The following KATNAL1 variants were observed in gnomAD, a reference collection of about 807,000 sequenced individuals.
The protein encoded by KATNAL1 is katanin catalytic subunit A1 like 1.
A neutral mutation model predicts 55.2 loss-of-function variants in KATNAL1; 32 were observed. The observed-to-expected ratio is 0.58, with a 90% CI of 0.44 to 0.78. The LOEUF is 0.78. KATNAL1 is among the 30% of genes least tolerant of loss of function. The pLI is 0.00. For missense variants in KATNAL1, 466 were observed against 600.9 expected (o/e 0.78, Z 2.35); for synonymous variants, 193 against 193.6 (o/e 1.00, Z 0.02).
At chr13:30,223,981 A>C (rs775932673) in intron 9 of KATNAL1, among the ~76,000 whole-genome samples, 1 of 152,234 alleles carries the variant, frequency 6.6e-6, no homozygotes, top group Non-Finnish European at 1.5e-5. Flanking sequence ...AGAAGTTCAA[A>C]AATTGACATC....
In KATNAL1 at chr13:30,203,358, T is replaced by C. The variant is rs747431815; in HGVS notation, c.*5182A>G. On this transcript the variant is annotated 3_prime_UTR_variant, in exon 11 of 11. Transcript: ENST00000380615. ...AGATGATGAACTGAATTTAATTCAA[T>C]TCATTCCTGCCTAAAACTAAGCCTG... 4 of 152,238 alleles carry C rather than the reference T, an allele frequency of 2.6e-5. No homozygotes were observed. The highest frequency in any genetic ancestry group is 4.4e-5 in the Non-Finnish European group (3 of 68,040). The allele number at this position is 152,238 out of a possible 1,614,324, so 9.4% of individuals were successfully genotyped here.
intron 6 of KATNAL1, among the ~76,000 whole-genome samples, chr13:30,235,249 T>C (rs1230790273): frequency 6.6e-6 from 1 of 152,240 alleles, no homozygotes; most frequent in Non-Finnish European, 1.5e-5. Flanking sequence ...GGAAGCATGG[T>C]GCCTGCACCC....
intron 9 of KATNAL1, among the ~76,000 whole-genome samples, chr13:30,220,827 G>A (rs968677071): frequency 1.3e-5 from 2 of 151,946 alleles, no homozygotes; most frequent in African/African-American, 4.8e-5. Flanking sequence ...AGCCGCCTGA[G>A]TAGCTGGAAT....
At chr13:30,216,141 C>T (rs952294976) in intron 9 of KATNAL1, among the ~76,000 whole-genome samples, 1 of 152,022 alleles carries the variant, frequency 6.6e-6, no homozygotes, top group Non-Finnish European at 1.5e-5. Context: ...TACAAATGAA[C>T]ACAATCAGTA....
chr13:30,227,659 G>C, intron 8 of KATNAL1, 113 bp from the exon 9 acceptor site: 2 of 1,080,818 alleles, frequency 1.9e-6, no homozygotes, highest in Non-Finnish European at 2.6e-6. Context: ...AGAAAGTGCA[G>C]TCCTGACCTC....
In KATNAL1 at chr13:30,243,587, C is replaced by G. The variant is rs567771664; in HGVS notation, c.493-2501G>C. On this transcript the variant is annotated intron_variant, in intron 4 of 10. Transcript: ENST00000380615. ...AATTCTAATGGGGCAATACAACCAA[C>G]AGGCCTACTAGGTATTAAGCCAAAA... 1.0e-4 allele frequency among the ~76,000 whole-genome samples: 12 copies of G among 117,416 alleles called. No individual in the cohort carries two copies. The Admixed American group carries it at 1.2e-3, about 12-fold the overall frequency. 77.0% of individuals were successfully genotyped at this position (117,416 alleles called of 152,430 possible). A position where few individuals can be genotyped will look rare whatever the true frequency, so the allele number is the denominator to read the frequency against.
In KATNAL1 at chr13:30,255,576, T is replaced by C; in HGVS notation, c.363A>G (p.Arg121=). ...PQIRRPNREV[R]PLRKEMAGVG... is the part of the protein sequence containing the mutation. Reference sequence around the variant, plus strand: ...CTCCTGCCATTTCTTTCCTCAGAGGTCTTACTTCTCGATTGGGACGCCTGA... The same window carrying C: ...CTCCTGCCATTTCTTTCCTCAGAGGCCTTACTTCTCGATTGGGACGCCTGA... Residue 121 remains arginine (R), a synonymous_variant, in exon 4 of 11, where the codon AGA becomes AGG. Transcript: ENST00000380615. The C allele has an allele frequency of 1.9e-6, 3 of 1,559,548 alleles. No homozygotes were observed. The highest frequency in any genetic ancestry group is 1.8e-5 in the Admixed American group (1 of 55,616).
In KATNAL1 at chr13:30,207,864, C is replaced by T. The variant is rs1432080955; in HGVS notation, c.*676G>A. 1.3e-5 allele frequency: 2 copies of T among 152,084 alleles called. No individual in the cohort carries two copies. Among genetic ancestry groups the T allele is most frequent in the Non-Finnish European group, 2.9e-5 (2 of 68,006 alleles). The allele number at this position is 152,084 out of a possible 1,614,324, so 9.4% of individuals were successfully genotyped here. A position where few individuals can be genotyped will look rare whatever the true frequency, so the allele number is the denominator to read the frequency against. On this transcript the variant is annotated 3_prime_UTR_variant, in exon 11 of 11. Coordinates refer to ENST00000380615, the MANE Select transcript of KATNAL1 (RefSeq NM_032116.5). ...ACCTTTCCATATTAAATGTAAGAAG[C>T]ACCAGCAAAAAATACTAAAGACAGA... is the stretch of plus-strand genomic sequence containing the variant.
At position 30,206,412 on chromosome 13, in the gene KATNAL1, C is replaced by T. The variant is rs1288648615; in HGVS notation, c.*2128G>A. ...TCCACTGACAGGGCAAAATGAGAAA[C>T]AAGGGAAATAAAAAGCACACCTGAC... is the stretch of plus-strand genomic sequence containing the variant. On this transcript the variant is annotated 3_prime_UTR_variant, in exon 11 of 11. Transcript: ENST00000380615. 1 of 151,900 alleles carries T rather than the reference C, an allele frequency of 6.6e-6. No individual in the cohort carries two copies. Among genetic ancestry groups the T allele is most frequent in the East Asian group, 1.9e-4 (1 of 5,182 alleles). The allele number at this position is 151,900 out of a possible 1,614,324, so 9.4% of individuals were successfully genotyped here. A position where few individuals can be genotyped will look rare whatever the true frequency, so the allele number is the denominator to read the frequency against.
chr13:30,289,761 A>ATGT (rs1882017054), intron 1 of KATNAL1, among the ~76,000 whole-genome samples: 1 of 152,210 alleles, frequency 6.6e-6, no homozygotes, highest in Non-Finnish European at 1.5e-5. Flanking sequence ...ATAAAGTAAA[A>ATGT]TGTCACAGCA....
At chr13:30,230,056 T>C (rs181014031) in intron 8 of KATNAL1, among the ~76,000 whole-genome samples, 99 of 151,814 alleles carry the variant, frequency 6.5e-4, no homozygotes, top group African/African-American at 2.3e-3. Context: ...ACCCTACGTC[T>C]TACAGCCTCT....
At position 30,202,779 on chromosome 13, in the gene KATNAL1, G is replaced by T. The variant is rs1271021795; in HGVS notation, c.*5761C>A. 1.3e-5 allele frequency: 2 copies of T among 152,062 alleles called. No individual in the cohort carries two copies. The highest frequency in any genetic ancestry group is 2.4e-5 in the African/African-American group (1 of 41,382). 9.4% of individuals were successfully genotyped at this position (152,062 alleles called of 1,614,324 possible). A position where few individuals can be genotyped will look rare whatever the true frequency, so the allele number is the denominator to read the frequency against. The stretch of plus-strand genomic sequence containing the variant: ...GGAAACGTCTTTTTCTTTAAATTAG[G>T]TTCAAATACTGGGAGACAAACACTG... On this transcript the variant is annotated 3_prime_UTR_variant, in exon 11 of 11. Transcript: ENST00000380615.
intron 1 of KATNAL1, 106 bp from the exon 2 acceptor site, chr13:30,283,897 A>G (rs1881596847): frequency 1.3e-6 from 1 of 746,848 alleles, no homozygotes; most frequent in African/African-American, 1.8e-5. Context: ...TTTTTTTGAA[A>G]CAGAGACTCA....
chr13:30,228,653 A>T (rs1352135955), intron 8 of KATNAL1, among the ~76,000 whole-genome samples: 1 of 152,238 alleles, frequency 6.6e-6, no homozygotes, highest in Non-Finnish European at 1.5e-5. Context: ...TCACTGAGGG[A>T]AGGGTCTCAT....
intron 3 of KATNAL1, among the ~76,000 whole-genome samples, chr13:30,264,450 T>C (rs1482238972): frequency 2.7e-5 from 4 of 145,536 alleles, no homozygotes; most frequent in African/African-American, 7.6e-5. Flanking sequence ...ACCTACAAAA[T>C]GGGAGAAAAT....
At chr13:30,234,408 C>T (rs1157432625) in intron 6 of KATNAL1, among the ~76,000 whole-genome samples, 1 of 152,172 alleles carries the variant, frequency 6.6e-6, no homozygotes, top group Non-Finnish European at 1.5e-5. Context: ...AATGGTCACT[C>T]TTCAGTTGCA....
intron 1 of KATNAL1, among the ~76,000 whole-genome samples, chr13:30,288,355 T>C (rs1252741966): frequency 6.6e-6 from 1 of 152,200 alleles, no homozygotes; most frequent in Non-Finnish European, 1.5e-5. Flanking sequence ...AACTGCACAG[T>C]TAAATGGAAA....
At position 30,283,747 on chromosome 13, in the gene KATNAL1, T is replaced by G; in HGVS notation, c.31A>C (p.Lys11Gln). MNLAEICDNAKKGREYALLGN... is the reference protein window; with the variant it reads MNLAEICDNAQKGREYALLGN... The stretch of plus-strand genomic sequence containing the variant: ...AGAAGGGCATATTCTCTTCCTTTCT[T>G]TGCATTATCACAAATCTCAGCCAAA... Residue 11 changes from lysine to glutamine, a missense_variant, in exon 2 of 11, where the codon AAG (lysine) becomes CAG (glutamine). This residue lies in a region of KATNAL1 where 248 missense variants were observed against 275.5 expected (regional missense o/e 0.90). Coordinates refer to ENST00000380615, the MANE Select transcript of KATNAL1 (RefSeq NM_032116.5). 1 of 1,612,560 alleles carries G rather than the reference T, an allele frequency of 6.2e-7. No individual in the cohort carries two copies. Among genetic ancestry groups the G allele is most frequent in the Non-Finnish European group, 8.5e-7 (1 of 1,179,108 alleles).
chr13:30,257,301 A>G (rs1466580049), intron 3 of KATNAL1, among the ~76,000 whole-genome samples: 2 of 152,216 alleles, frequency 1.3e-5, no homozygotes, highest in East Asian at 3.8e-4. Context: ...GCCAAAGACA[A>G]TAAAATGAGA....
Sources: gnomAD v4.1 joint callset for allele counts (sites outside exome capture counted in the v4.1 genomes callset) on GRCh38, gnomAD v4.1.1 for gene constraint, gnomAD v4.1.1 regional missense constraint, MANE v1.5 for transcripts, NCBI Gene and HGNC (gene_info 2026-07-23, HGNC 2026-07-21) for gene names.